The following BIK variants were observed in gnomAD, a reference collection of about 807,000 sequenced individuals.
BIK encodes the protein bcl-2-interacting killer.
BIK carries 14 observed loss-of-function variants against 12.1 expected under a neutral mutation model. That is an observed-to-expected ratio of 1.16 (90% CI 0.77 to 1.81). The LOEUF (loss-of-function observed/expected upper bound fraction) is 1.81. BIK is among the 40% of genes most tolerant of loss of function. BIK has a pLI of 0.00. For missense variants in BIK, 215 were observed against 207.9 expected, an observed-to-expected ratio of 1.03 and a Z score of -0.21; for synonymous variants, 86 against 92.3, an observed-to-expected ratio of 0.93 and a Z score of 0.39.
At chr22:43,112,338 CA>C (rs1320189044) in intron 1 of BIK, among the ~76,000 whole-genome samples, 1 of 151,962 alleles carries the variant, frequency 6.6e-6, no homozygotes, top group Non-Finnish European at 1.5e-5. Flanking sequence ...GCTGGGATTA[CA>C]GGCGCCTACC....
intron 2 of BIK, 47 bp from the exon 3 acceptor site, chr22:43,127,650 G>A (rs1206539605): frequency 3.3e-6 from 5 of 1,505,746 alleles, no homozygotes; most frequent in Middle Eastern, 1.8e-4. Context: ...GGTGCATGTG[G>A]CCTCCACGGC....
At chr22:43,112,917 C>A (rs1930038586) in intron 1 of BIK, among the ~76,000 whole-genome samples, 1 of 151,098 alleles carries the variant, frequency 6.6e-6, no homozygotes, top group South Asian at 2.1e-4. Context: ...AAAAAAGGAG[C>A]ATTAGGCTGG....
rs1275706348 is a variant in BIK at position 43,129,287 on chromosome 22, G to A, written c.465G>A (p.Leu155=). ...ALLLPLLSGG[L]HLLLK ...TGCTGCCGCTGCTCAGCGGGGGCCT[G>A]CACCTGCTGCTCAAGTGAGGCCCCG... is the stretch of plus-strand genomic sequence containing the variant. The change falls in exon 5 of 5, where the codon CTG becomes CTA. Residue 155 remains leucine, a synonymous_variant. Coordinates refer to ENST00000216115, the MANE Select transcript of BIK (RefSeq NM_001197.5). 2 of 1,600,474 alleles carry A rather than the reference G, an allele frequency of 1.2e-6. No homozygotes were observed. Among genetic ancestry groups the A allele is most frequent in the Admixed American group, 1.7e-5 (1 of 59,962 alleles).
intron 2 of BIK, among the ~76,000 whole-genome samples, chr22:43,125,109 C>T (rs1211707231): frequency 6.6e-6 from 1 of 152,130 alleles, no homozygotes; most frequent in African/African-American, 2.4e-5. Context: ...ACTGTCGTGG[C>T]ACTGGTGAGT....
chr22:43,115,689 C>G (rs543075679), intron 1 of BIK, among the ~76,000 whole-genome samples: 1 of 151,808 alleles, frequency 6.6e-6, no homozygotes, highest in Non-Finnish European at 1.5e-5. Context: ...TTGTGAACTC[C>G]TGACCTCAGT....
intron 1 of BIK, among the ~76,000 whole-genome samples, chr22:43,117,024 C>G (rs777457574): frequency 2.0e-5 from 3 of 152,204 alleles, no homozygotes; most frequent in Non-Finnish European, 4.4e-5. Flanking sequence ...TGTCACTAGC[C>G]AGGTGACCCC....
At chr22:43,118,420 G>A (rs1043155842) in intron 1 of BIK, among the ~76,000 whole-genome samples, 1 of 152,208 alleles carries the variant, frequency 6.6e-6, no homozygotes, top group Non-Finnish European at 1.5e-5. Context: ...CTGGAGGCCC[G>A]GCTGTTTCTG....
chr22:43,125,249 C>A (rs1299919337), intron 2 of BIK, among the ~76,000 whole-genome samples: 1 of 152,148 alleles, frequency 6.6e-6, no homozygotes, highest in African/African-American at 2.4e-5. Context: ...TCAGCAGGGT[C>A]TTTGTAACCT....
chr22:43,128,290 G>A (rs1215540805), intron 3 of BIK, among the ~76,000 whole-genome samples: 1 of 152,204 alleles, frequency 6.6e-6, no homozygotes, highest in Admixed American at 6.5e-5. Flanking sequence ...GGAGGAAGCA[G>A]GAAGTTGGAA....
intron 1 of BIK, among the ~76,000 whole-genome samples, chr22:43,120,637 C>T (rs1161233499): frequency 2.0e-5 from 3 of 152,184 alleles, no homozygotes; most frequent in Middle Eastern, 3.2e-3. Flanking sequence ...CTGGGCCTCC[C>T]TTGGGCTGGT....
chr22:43,124,275 G>A (rs1930273100), intron 2 of BIK, 92 bp downstream of exon 2: 3 of 1,447,188 alleles, frequency 2.1e-6, no homozygotes, highest in Admixed American at 1.9e-5. Flanking sequence ...GGGAGCGCCT[G>A]CAGATGCCTC....
At position 43,129,591 on chromosome 22, in the gene BIK, A is replaced by C. The variant is rs923680609; in HGVS notation, c.*286A>C. 2.0e-6 allele frequency: 1 copy of C among 491,566 alleles called. No homozygotes were observed. Among genetic ancestry groups the C allele is most frequent in the Non-Finnish European group, 3.6e-6 (1 of 280,810 alleles). 30.5% of individuals were successfully genotyped at this position (491,566 alleles called of 1,614,324 possible). On this transcript the variant is annotated 3_prime_UTR_variant, in exon 5 of 5. Coordinates refer to ENST00000216115, the MANE Select transcript of BIK (RefSeq NM_001197.5). ...GCCATTCACTCCTGCCCCTGCCCAC[A>C]CGGCAGGTAGCAGGGGGAGTGCTGG...
At chr22:43,122,102 G>C (rs2008738) in intron 1 of BIK, among the ~76,000 whole-genome samples, 134,577 of 152,276 alleles carry the variant, frequency 0.88, 59,533 homozygotes, top group East Asian at 0.95. Context: ...GGAGGGCGGC[G>C]CTGTGGGTCC....
chr22:43,111,780 T>C (rs1452617863), intron 1 of BIK, among the ~76,000 whole-genome samples: 3 of 152,170 alleles, frequency 2.0e-5, no homozygotes, highest in Non-Finnish European at 4.4e-5. Flanking sequence ...GTCAGCCTCA[T>C]GTCCCCGCAT....
At chr22:43,117,171 C>G (rs534323985) in intron 1 of BIK, among the ~76,000 whole-genome samples, 1 of 152,142 alleles carries the variant, frequency 6.6e-6, no homozygotes, top group East Asian at 1.9e-4. Flanking sequence ...TCCACTGTGA[C>G]GGACGGAGGT....
chr22:43,127,198 C>T (rs960762817), intron 2 of BIK, among the ~76,000 whole-genome samples: 1 of 152,064 alleles, frequency 6.6e-6, no homozygotes, highest in African/African-American at 2.4e-5. Flanking sequence ...GGGGTGGTGC[C>T]AGCAGGGCTG....
intron 3 of BIK, among the ~76,000 whole-genome samples, chr22:43,128,041 T>TTC (rs1018238588): frequency 6.6e-6 from 1 of 152,112 alleles, no homozygotes; most frequent in Non-Finnish European, 1.5e-5. Flanking sequence ...CAGGGCCCTT[T>TTC]TCTCTCTCGC....
rs371267619 is a variant in BIK, at chr22:43,128,150, G to A, written c.261-346G>A. On this transcript the variant is annotated intron_variant, in intron 3 of 4. Coordinates refer to ENST00000216115, the MANE Select transcript of BIK (RefSeq NM_001197.5). ...GATCCTGGGGGCTGGGCCTCTCAGC[G>A]AGTCTCCGGTGGGGGAATAGAGTGG... Among the ~76,000 whole-genome samples, 26 of 152,140 alleles carry A rather than the reference G, an allele frequency of 1.7e-4. 1 individual carries two copies. Among genetic ancestry groups the A allele is most frequent in the African/African-American group, 4.3e-4 (18 of 41,512 alleles).
chr22:43,129,452 T>C lies in BIK; in HGVS notation c.*147T>C. The C allele has an allele frequency of 7.7e-7, 1 of 1,298,892 alleles. No homozygotes were observed. Among genetic ancestry groups the C allele is most frequent in the South Asian group, 1.6e-5 (1 of 61,588 alleles). The allele number at this position is 1,298,892 out of a possible 1,614,324, so 80.5% of individuals were successfully genotyped here. ...AGATAGTGCTGGAACACTGCTGAGG[T>C]TTTATACTCAGGTTTTTTGTTTTTT... On this transcript the variant is annotated 3_prime_UTR_variant, in exon 5 of 5. Coordinates refer to ENST00000216115, the MANE Select transcript of BIK (RefSeq NM_001197.5).
Sources: allele counts gnomAD v4.1 joint callset (sites outside exome capture counted in the v4.1 genomes callset), GRCh38; gene constraint gnomAD v4.1.1; transcripts MANE v1.5; gene names NCBI Gene and HGNC (gene_info 2026-07-23, HGNC 2026-07-21).